Variants in MAD1L1 observed in about 807,000 individuals in gnomAD.
The protein encoded by MAD1L1 is mitotic arrest deficient 1 like 1, also known as mitotic spindle assembly checkpoint protein MAD1.
Under a neutral mutation model 96.9 loss-of-function variants are expected in MAD1L1, and 95 were observed. The observed-to-expected ratio is 0.98, with a 90% CI of 0.83 to 1.16. The LOEUF (loss-of-function observed/expected upper bound fraction) is 1.16, where lower values mean the gene tolerates loss of function less well. Among genes scored for constraint, MAD1L1 ranks in the 50% most tolerant of loss-of-function variants. MAD1L1 has a pLI of 0.00. For synonymous variants in MAD1L1, 473 were observed against 396.6 expected (o/e 1.19, Z -2.29); for missense variants, 1,007 against 954.4 (o/e 1.06, Z -0.73).
At chr7:1,889,626 C>T (rs779931552) in intron 18 of MAD1L1, among the ~76,000 whole-genome samples, 23 of 152,242 alleles carry the variant, frequency 1.5e-4, no homozygotes, top group Non-Finnish European at 3.2e-4. Context: ...AGGCAACAGG[C>T]TCAGCCATGC....
At chr7:2,149,387 G>C (rs550840420) in intron 10 of MAD1L1, 149 bp from the exon 11 acceptor site, 15 of 684,014 alleles carry the variant, frequency 2.2e-5, no homozygotes, top group South Asian at 2.2e-4. Context: ...GTCCAGGGCA[G>C]CATGCACGCA....
intron 12 of MAD1L1, among the ~76,000 whole-genome samples, chr7:2,024,769 A>G (rs182597649): frequency 6.6e-6 from 1 of 152,336 alleles, no homozygotes; most frequent in African/African-American, 2.4e-5. Flanking sequence ...TCAGCCAGAA[A>G]AAAAACAGGC....
chr7:2,204,352 C>T (rs1040733366), intron 10 of MAD1L1, among the ~76,000 whole-genome samples: 1 of 152,156 alleles, frequency 6.6e-6, no homozygotes, highest in South Asian at 2.1e-4. Context: ...ATGATCTGCG[C>T]ACGTGAACAG....
intron 11 of MAD1L1, among the ~76,000 whole-genome samples, chr7:2,073,516 G>T (rs1452867837): frequency 6.6e-6 from 1 of 152,146 alleles, no homozygotes; most frequent in African/African-American, 2.4e-5. Context: ...TGGTCTTTGT[G>T]ACTGTAGGTC....
intron 10 of MAD1L1, among the ~76,000 whole-genome samples, chr7:2,170,689 G>A (rs1584476997): frequency 6.6e-6 from 1 of 152,350 alleles, no homozygotes; most frequent in South Asian, 2.1e-4. Flanking sequence ...GGACGGTAAG[G>A]TGGCCACTGC....
chr7:2,159,865 T>C (rs1444326077), intron 10 of MAD1L1, among the ~76,000 whole-genome samples: 2 of 152,208 alleles, frequency 1.3e-5, no homozygotes, highest in African/African-American at 4.8e-5. Flanking sequence ...AGAAGCGGAC[T>C]ATAAGTATGC....
intron 17 of MAD1L1, among the ~76,000 whole-genome samples, chr7:1,913,424 T>G (rs1241938995): frequency 1.5e-5 from 1 of 65,956 alleles, no homozygotes; most frequent in African/African-American, 5.4e-5. Context: ...AATCCGCGCG[T>G]GCACGCCCGG....
At chr7:1,859,864 T>C (rs1784440480) in intron 18 of MAD1L1, among the ~76,000 whole-genome samples, 1 of 149,098 alleles carries the variant, frequency 6.7e-6, no homozygotes, top group Non-Finnish European at 1.5e-5. Context: ...GCGGCCTCTG[T>C]CTCCCTAGAT....
At chr7:2,055,328 T>A (rs917732131) in intron 12 of MAD1L1, among the ~76,000 whole-genome samples, 1 of 151,998 alleles carries the variant, frequency 6.6e-6, no homozygotes, top group Non-Finnish European at 1.5e-5. Flanking sequence ...AGCATCCACA[T>A]CAGCTGTGTG....
chr7:1,986,331 C>G lies in MAD1L1; in HGVS notation c.1417-5790G>C, dbSNP rs567237491. Among the ~76,000 whole-genome samples the G allele has an allele frequency of 1.5e-3, 45 of 30,746 alleles. No individual in the cohort carries two copies. In the South Asian group the frequency reaches 0.045, roughly 31 times the overall value. The allele number at this position is 30,746 out of a possible 152,430, so 20.2% of individuals were successfully genotyped here. A position where few individuals can be genotyped will look rare whatever the true frequency, so the allele number is the denominator to read the frequency against. On this transcript the variant is annotated intron_variant, in intron 14 of 18. Transcript: ENST00000265854. ...ACCTCTGCTGCAGCTTGGAACCACA[C>G]GCCAGTCCAGCTTGGAACCACACGC...
intron 12 of MAD1L1, among the ~76,000 whole-genome samples, chr7:2,018,027 G>A (rs1190473901): frequency 2.0e-5 from 3 of 152,094 alleles, no homozygotes; most frequent in Admixed American, 2.0e-4. Context: ...ACTGCAGGAC[G>A]CCGGCCCTGT....
In MAD1L1 at chr7:2,069,345, G is replaced by A. The variant is rs773399719; in HGVS notation, c.1074-7C>T. On this transcript the variant is annotated splice_polypyrimidine_tract_variant and splice_region_variant and intron_variant, in intron 11 of 18. Transcript: ENST00000265854. ...CTTCTCCAGCCCCCGGGCGCTGCAT[G>A]GGAGAGACAAGAGGGCAAAGCAATG... The A allele has an allele frequency of 6.3e-6, 10 of 1,583,574 alleles. No homozygotes were observed. The highest frequency in any genetic ancestry group is 7.7e-6 in the Non-Finnish European group (9 of 1,169,868).
intron 11 of MAD1L1, among the ~76,000 whole-genome samples, chr7:2,104,845 G>A (rs1787005846): frequency 6.6e-6 from 1 of 152,244 alleles, no homozygotes; most frequent in Non-Finnish European, 1.5e-5. Context: ...GCACAGCCAT[G>A]TGGGCTCAGC....
At chr7:1,889,338 G>T (rs760001861) in intron 18 of MAD1L1, among the ~76,000 whole-genome samples, 1 of 152,248 alleles carries the variant, frequency 6.6e-6, no homozygotes. Context: ...TGAGGAGGCT[G>T]GGGGATGGCG....
intron 14 of MAD1L1, among the ~76,000 whole-genome samples, chr7:1,986,941 C>A (rs1781177696): frequency 6.6e-6 from 1 of 152,108 alleles, no homozygotes; most frequent in Non-Finnish European, 1.5e-5. Flanking sequence ...GGTCCTCCAC[C>A]CACCCTGCAC....
chr7:2,072,924 G>T (rs1562659994), intron 11 of MAD1L1, among the ~76,000 whole-genome samples: 1 of 152,240 alleles, frequency 6.6e-6, no homozygotes, highest in Non-Finnish European at 1.5e-5. Context: ...GCCACGCAGA[G>T]CAGATGTGAG....
At chr7:2,156,541 G>A (rs1789858553) in intron 10 of MAD1L1, among the ~76,000 whole-genome samples, 1 of 152,158 alleles carries the variant, frequency 6.6e-6, no homozygotes, top group Admixed American at 6.5e-5. Flanking sequence ...GGGGAGGCTG[G>A]GCGCGCAGTG....
chr7:2,230,247 T>G (rs1794126952), intron 2 of MAD1L1, 104 bp from the exon 3 acceptor site: 1 of 826,692 alleles, frequency 1.2e-6, no homozygotes, highest in Non-Finnish European at 1.9e-6. Context: ...TAACGCACAT[T>G]GGAGCTCATA....
chr7:1,832,694 TGA>T (rs1782768271), intron 18 of MAD1L1, among the ~76,000 whole-genome samples: 1 of 41,416 alleles, frequency 2.4e-5, no homozygotes, highest in Non-Finnish European at 4.9e-5. Flanking sequence ...TGCAGTGATG[TGA>T]TCTCAGCTCA....
Sources: gnomAD v4.1 joint callset for allele counts (sites outside exome capture counted in the v4.1 genomes callset) on GRCh38, gnomAD v4.1.1 for gene constraint, MANE v1.5 for transcripts, NCBI Gene and HGNC (gene_info 2026-07-23, HGNC 2026-07-21) for gene names.